GPR25: variants seen among roughly 807,000 people sequenced by gnomAD.
GPR25 encodes C-X-C chemokine receptor GPR25.
For synonymous variants in GPR25, 280 were observed against 264.9 expected (o/e 1.06, Z -0.55); for missense variants, 501 against 503.0 (o/e 1.00, Z 0.04).
In GPR25 at chr1:200,874,020, G is replaced by A; in HGVS notation, c.983G>A (p.Arg328His). 1.2e-6 allele frequency: 2 copies of A among 1,611,482 alleles called. No individual in the cohort carries two copies. Among genetic ancestry groups the A allele is most frequent in the Non-Finnish European group, 1.7e-6 (2 of 1,179,304 alleles). Reference sequence around the variant, plus strand: ...GACGGGGCCTGCGGGCGCACCGGCCGCCTGGCGCGAAGGATCAGCTCAGCC... The same window carrying A: ...GACGGGGCCTGCGGGCGCACCGGCCACCTGGCGCGAAGGATCAGCTCAGCC... ...ALDGACGRTG[R>H]LARRISSASS... The change falls in exon 1 of 1, where the codon CGC becomes CAC. Residue 328 changes from arginine to histidine, a missense_variant. Coordinates refer to ENST00000304244, the MANE Select transcript of GPR25 (RefSeq NM_005298.4).
At position 200,873,978 on chromosome 1, in the gene GPR25, T is replaced by C; in HGVS notation, c.941T>C (p.Phe314Ser). 6.2e-7 allele frequency: 1 copy of C among 1,612,152 alleles called. No individual in the cohort carries two copies. Among genetic ancestry groups the C allele is most frequent in the Non-Finnish European group, 8.5e-7 (1 of 1,179,576 alleles). The change falls in exon 1 of 1, where the codon TTC (phenylalanine) becomes TCC (serine). Residue 314 changes from phenylalanine to serine, a missense_variant. Coordinates refer to ENST00000304244, the MANE Select transcript of GPR25 (RefSeq NM_005298.4). ...ATCTACCTCCTGCTGGACCGCTCAT[T>C]CCGAGCCCGGGCGCTGGACGGGGCC... The part of the protein sequence containing the change: ...PLIYLLLDRS[F>S]RARALDGACG...
Position 200,873,797 on chromosome 1 carries a change from G to A in GPR25, c.760G>A (p.Val254Met). 6.2e-7 allele frequency: 1 copy of A among 1,600,008 alleles called. No homozygotes were observed. Among genetic ancestry groups the A allele is most frequent in the South Asian group, 1.1e-5 (1 of 91,068 alleles). Residue 254 changes from valine (V) to methionine (M), a missense_variant, in exon 1 of 1, where the codon GTG (valine) becomes ATG (methionine). Val to Met is a conservative substitution (Grantham distance 21). Transcript: ENST00000304244. ...RIIFAIESTF[V>M]GSWLPFSALR... ...CATCTTCGCCATCGAGAGCACGTTTGTGGGCTCCTGGCTGCCCTTCAGCGC... is the reference window on the plus strand; with the variant it reads ...CATCTTCGCCATCGAGAGCACGTTTATGGGCTCCTGGCTGCCCTTCAGCGC...
chr1:200,873,990 C>A lies in GPR25; in HGVS notation c.953C>A (p.Ala318Glu), dbSNP rs2102285814. The change falls in exon 1 of 1, where the codon GCG becomes GAG. Residue 318 changes from alanine to glutamate, a missense_variant. Ala to Glu is a moderately radical substitution (Grantham distance 107, BLOSUM62 -1). Coordinates refer to ENST00000304244, the MANE Select transcript of GPR25 (RefSeq NM_005298.4). ...LLLDRSFRAR[A>E]LDGACGRTGR... ...CTGGACCGCTCATTCCGAGCCCGGG[C>A]GCTGGACGGGGCCTGCGGGCGCACC... 6.2e-7 allele frequency: 1 copy of A among 1,612,174 alleles called. No homozygotes were observed. Among genetic ancestry groups the A allele is most frequent in the Non-Finnish European group, 8.5e-7 (1 of 1,179,580 alleles).
In GPR25 at chr1:200,872,992, C is replaced by T; in HGVS notation, c.-46C>T. On this transcript the variant is annotated 5_prime_UTR_variant, in exon 1 of 1. Transcript: ENST00000304244. ...ACCCCCTCCTGCTCAGAGCTGCTGCCGCCTGCGCCCAGGGCTGCACTCCGC... is the reference window on the plus strand; with the variant it reads ...ACCCCCTCCTGCTCAGAGCTGCTGCTGCCTGCGCCCAGGGCTGCACTCCGC... 1 of 1,439,040 alleles carries T rather than the reference C, an allele frequency of 6.9e-7. No homozygotes were observed. Among genetic ancestry groups the T allele is most frequent in the Non-Finnish European group, 9.1e-7 (1 of 1,097,520 alleles). The allele number at this position is 1,439,040 out of a possible 1,614,324, so 89.1% of individuals were successfully genotyped here.
At position 200,874,019 on chromosome 1, in the gene GPR25, C is replaced by T. The variant is rs770964811; in HGVS notation, c.982C>T (p.Arg328Cys). The T allele has an allele frequency of 1.9e-6, 3 of 1,611,536 alleles. No individual in the cohort carries two copies. The highest frequency in any genetic ancestry group is 2.5e-6 in the Non-Finnish European group (3 of 1,179,324). ...ALDGACGRTG[R>C]LARRISSASS... Reference sequence around the variant, plus strand: ...GGACGGGGCCTGCGGGCGCACCGGCCGCCTGGCGCGAAGGATCAGCTCAGC... The same window carrying T: ...GGACGGGGCCTGCGGGCGCACCGGCTGCCTGGCGCGAAGGATCAGCTCAGC... The change falls in exon 1 of 1, where the codon CGC becomes TGC. Residue 328 changes from arginine to cysteine, a missense_variant. Arg to Cys is a radical substitution (Grantham distance 180). Coordinates refer to ENST00000304244, the MANE Select transcript of GPR25 (RefSeq NM_005298.4).
At position 200,873,556 on chromosome 1, in the gene GPR25, C is replaced by T. The variant is rs1282088772; in HGVS notation, c.519C>T (p.Pro173=). The change falls in exon 1 of 1, where the codon CCC becomes CCT. Residue 173 remains proline (P), a synonymous_variant. Coordinates refer to ENST00000304244, the MANE Select transcript of GPR25 (RefSeq NM_005298.4). The part of the protein sequence containing the change: ...VWAVALLAGL[P]SLVYRGLQPL... ...CCGTGGCGCTGCTGGCCGGCCTGCC[C>T]TCCCTGGTCTACCGGGGGTTGCAGC... is the stretch of plus-strand genomic sequence containing the variant. 1.9e-6 allele frequency: 3 copies of T among 1,572,140 alleles called. No homozygotes were observed. Among genetic ancestry groups the T allele is most frequent in the Non-Finnish European group, 2.6e-6 (3 of 1,166,992 alleles).
In GPR25 at chr1:200,873,370, C is replaced by G; in HGVS notation, c.333C>G (p.Leu111=). 1 of 1,494,002 alleles carries G rather than the reference C, an allele frequency of 6.7e-7. No homozygotes were observed. Among genetic ancestry groups the G allele is most frequent in the East Asian group, 2.7e-5 (1 of 36,960 alleles). 92.5% of individuals were successfully genotyped at this position (1,494,002 alleles called of 1,614,324 possible). A position where few individuals can be genotyped will look rare whatever the true frequency, so the allele number is the denominator to read the frequency against. The part of the protein sequence containing the change: ...LGGRWPFGDG[L]CKLSSFALAG... ...GCCGCTGGCCGTTCGGCGATGGCCTCTGCAAGCTCAGCAGCTTCGCGCTGG... is the reference window on the plus strand; with the variant it reads ...GCCGCTGGCCGTTCGGCGATGGCCTGTGCAAGCTCAGCAGCTTCGCGCTGG... Residue 111 remains leucine, a synonymous_variant, in exon 1 of 1, where the codon CTC becomes CTG. Transcript: ENST00000304244.
Position 200,873,702 on chromosome 1 carries a change from A to G in GPR25, c.665A>G (p.Tyr222Cys), listed in dbSNP as rs2102285496. 6.3e-7 allele frequency: 1 copy of G among 1,597,960 alleles called. No individual in the cohort carries two copies. Among genetic ancestry groups the G allele is most frequent in the Non-Finnish European group, 8.5e-7 (1 of 1,179,062 alleles). ...CCCCTGGTCGTCACCCTCTTCTGCT[A>G]CTGCCGCATCTCGCGCCGCCTGCGA... ...VLPLVVTLFC[Y>C]CRISRRLRRP... The change falls in exon 1 of 1, where the codon TAC becomes TGC. Residue 222 changes from tyrosine (Y) to cysteine (C), a missense_variant. Coordinates refer to ENST00000304244, the MANE Select transcript of GPR25 (RefSeq NM_005298.4).
At position 200,874,074 on chromosome 1, in the gene GPR25, T is replaced by A; in HGVS notation, c.1037T>A (p.Val346Glu). 6.3e-7 allele frequency: 1 copy of A among 1,596,414 alleles called. No homozygotes were observed. The highest frequency in any genetic ancestry group is 8.5e-7 in the Non-Finnish European group (1 of 1,169,708). ...ASSLSRDDSSVFRCRAQAANT... is the reference protein window; with the variant it reads ...ASSLSRDDSSEFRCRAQAANT... ...TCGCTCTCCAGGGACGACAGTTCCG[T>A]GTTCCGTTGCCGGGCCCAGGCCGCG... Residue 346 changes from valine (V) to glutamate (E), a missense_variant, in exon 1 of 1, where the codon GTG becomes GAG. Transcript: ENST00000304244.
At position 200,873,296 on chromosome 1, in the gene GPR25, G is replaced by C; in HGVS notation, c.259G>C (p.Gly87Arg). The change falls in exon 1 of 1, where the codon GGC becomes CGC. Residue 87 changes from glycine (G) to arginine (R), a missense_variant. Physicochemically the swap from Gly to Arg is moderately radical, Grantham distance 125. Transcript: ENST00000304244. ...GCTGCACCTGGCGGCAGCTGACCTG[G>C]GCTTCGTGCTCACGCTGCCGCTGTG... is the stretch of plus-strand genomic sequence containing the variant. The part of the protein sequence containing the change: ...FVLHLAAADL[G>R]FVLTLPLWAA... 3 of 1,539,752 alleles carry C rather than the reference G, an allele frequency of 1.9e-6. No individual in the cohort carries two copies. The highest frequency in any genetic ancestry group is 2.6e-6 in the Non-Finnish European group (3 of 1,147,914).
At position 200,873,432 on chromosome 1, in the gene GPR25, G is replaced by A. The variant is rs931396742; in HGVS notation, c.395G>A (p.Gly132Asp). Reference protein sequence around the residue: ...TRCAGALLLAGMSVDRYLAVV... With the variant: ...TRCAGALLLADMSVDRYLAVV... ...TGCGCGGGCGCGCTGCTGCTGGCGG[G>A]CATGAGCGTGGACCGCTACCTGGCC... The change falls in exon 1 of 1, where the codon GGC becomes GAC. Residue 132 changes from glycine to aspartate, a missense_variant. Physicochemically the swap from Gly to Asp is moderately conservative, Grantham distance 94. Transcript: ENST00000304244. 1.3e-6 allele frequency: 2 copies of A among 1,525,148 alleles called. No individual in the cohort carries two copies. Among genetic ancestry groups the A allele is most frequent in the South Asian group, 1.2e-5 (1 of 82,596 alleles). 94.5% of individuals were successfully genotyped at this position (1,525,148 alleles called of 1,614,324 possible). A position where few individuals can be genotyped will look rare whatever the true frequency, so the allele number is the denominator to read the frequency against.
Position 200,874,156 on chromosome 1 carries a change from G to A in GPR25, c.*33G>A. The A allele has an allele frequency of 6.7e-7, 1 of 1,491,990 alleles. No individual in the cohort carries two copies. Among genetic ancestry groups the A allele is most frequent in the South Asian group, 1.3e-5 (1 of 74,754 alleles). 92.4% of individuals were successfully genotyped at this position (1,491,990 alleles called of 1,614,324 possible). A position where few individuals can be genotyped will look rare whatever the true frequency, so the allele number is the denominator to read the frequency against. ...GGGCCGCTGGAGGTGGGCGGCAGCGGAGCATCGAGAGGAGGCCAGAGGTCC... is the reference window on the plus strand; with the variant it reads ...GGGCCGCTGGAGGTGGGCGGCAGCGAAGCATCGAGAGGAGGCCAGAGGTCC... On this transcript the variant is annotated 3_prime_UTR_variant, in exon 1 of 1. Coordinates refer to ENST00000304244, the MANE Select transcript of GPR25 (RefSeq NM_005298.4).
Position 200,874,161 on chromosome 1 carries a change from T to C in GPR25, c.*38T>C, listed in dbSNP as rs2102286047. On this transcript the variant is annotated 3_prime_UTR_variant, in exon 1 of 1. Transcript: ENST00000304244. ...GCTGGAGGTGGGCGGCAGCGGAGCA[T>C]CGAGAGGAGGCCAGAGGTCCCGGAG... The C allele has an allele frequency of 6.7e-7, 1 of 1,487,554 alleles. No individual in the cohort carries two copies. Among genetic ancestry groups the C allele is most frequent in the Middle Eastern group, 1.9e-4 (1 of 5,356 alleles). The allele number at this position is 1,487,554 out of a possible 1,614,324, so 92.1% of individuals were successfully genotyped here. A position where few individuals can be genotyped will look rare whatever the true frequency, so the allele number is the denominator to read the frequency against.
chr1:200,873,083 T>C lies in GPR25; in HGVS notation c.46T>C (p.Trp16Arg), dbSNP rs747486427. 8 of 1,580,990 alleles carry C rather than the reference T, an allele frequency of 5.1e-6. No homozygotes were observed. The highest frequency in any genetic ancestry group is 2.7e-5 in the African/African-American group (2 of 74,634). The change falls in exon 1 of 1, where the codon TGG becomes CGG. Residue 16 changes from tryptophan (W) to arginine (R), a missense_variant. By Grantham distance (101) the Trp-to-Arg change is moderately radical. Coordinates refer to ENST00000304244, the MANE Select transcript of GPR25 (RefSeq NM_005298.4). ...GAGCCCCAGCCCGGGGTCAGCGCCC[T>C]GGGACTACTCGGGGTTGGACGGCCT... ...PWSPSPGSAP[W>R]DYSGLDGLEE... is the part of the protein sequence containing the mutation.
Position 200,872,987 on chromosome 1 carries a change from G to T in GPR25, c.-51G>T. On this transcript the variant is annotated 5_prime_UTR_variant, in exon 1 of 1. Transcript: ENST00000304244. ...AGCAAACCCCCTCCTGCTCAGAGCT[G>T]CTGCCGCCTGCGCCCAGGGCTGCAC... 7.0e-7 allele frequency: 1 copy of T among 1,435,304 alleles called. No individual in the cohort carries two copies. Among genetic ancestry groups the T allele is most frequent in the Non-Finnish European group, 9.1e-7 (1 of 1,095,834 alleles). The allele number at this position is 1,435,304 out of a possible 1,614,324, so 88.9% of individuals were successfully genotyped here. A position where few individuals can be genotyped will look rare whatever the true frequency, so the allele number is the denominator to read the frequency against.
rs373725499 is a variant in GPR25 at position 200,873,975 on chromosome 1, C to T, written c.938C>T (p.Ser313Leu). The change falls in exon 1 of 1, where the codon TCA (serine) becomes TTA (leucine). Residue 313 changes from serine (S) to leucine (L), a missense_variant. By Grantham distance (145) the Ser-to-Leu change is moderately radical. Transcript: ENST00000304244. ...CTCATCTACCTCCTGCTGGACCGCT[C>T]ATTCCGAGCCCGGGCGCTGGACGGG... ...NPLIYLLLDRSFRARALDGAC... is the reference protein window; with the variant it reads ...NPLIYLLLDRLFRARALDGAC... The T allele has an allele frequency of 6.2e-7, 1 of 1,612,112 alleles. No individual in the cohort carries two copies. The highest frequency in any genetic ancestry group is 8.5e-7 in the Non-Finnish European group (1 of 1,179,598).
At position 200,873,755 on chromosome 1, in the gene GPR25, A is replaced by C. The variant is rs1358264812; in HGVS notation, c.718A>C (p.Arg240=). ...GCCGCCGCACGTGGGTCGGGCCCGG[A>C]GGAACTCGCTGCGCATCATCTTCGC... is the stretch of plus-strand genomic sequence containing the variant. ...RRPPHVGRAR[R]NSLRIIFAIE... The change falls in exon 1 of 1, where the codon AGG becomes CGG. Residue 240 remains arginine, a synonymous_variant. Transcript: ENST00000304244. 2.5e-6 allele frequency: 4 copies of C among 1,598,524 alleles called. No homozygotes were observed. The highest frequency in any genetic ancestry group is 3.4e-6 in the Non-Finnish European group (4 of 1,179,070).
rs891316557 is a variant in GPR25 at position 200,873,610 on chromosome 1, C to G, written c.573C>G (p.Cys191Trp). ...TGCCTGGGGGCCAGGACAGCCAGTG[C>G]GGCGAGGAGCCCTCCCACGCCTTCC... ...QPLPGGQDSQ[C>W]GEEPSHAFQG... The change falls in exon 1 of 1, where the codon TGC becomes TGG. Residue 191 changes from cysteine to tryptophan, a missense_variant. Physicochemically the swap from Cys to Trp is radical, Grantham distance 215. Transcript: ENST00000304244. 6.3e-7 allele frequency: 1 copy of G among 1,593,964 alleles called. No homozygotes were observed. Among genetic ancestry groups the G allele is most frequent in the African/African-American group, 1.3e-5 (1 of 74,822 alleles).
chr1:200,873,526 C>T lies in GPR25; in HGVS notation c.489C>T (p.Val163=), dbSNP rs1668001163. The T allele has an allele frequency of 6.4e-7, 1 of 1,561,354 alleles. No individual in the cohort carries two copies. The highest frequency in any genetic ancestry group is 1.4e-5 in the African/African-American group (1 of 73,942). The change falls in exon 1 of 1, where the codon GTC becomes GTT. Residue 163 remains valine (V), a synonymous_variant. Coordinates refer to ENST00000304244, the MANE Select transcript of GPR25 (RefSeq NM_005298.4). ...GCGCGCTGGCCTCGTGCTGCGGCGT[C>T]TGGGCCGTGGCGCTGCTGGCCGGCC... ...PRCALASCCG[V]WAVALLAGLP...
Sources: gnomAD v4.1 joint callset for allele counts on GRCh38, gnomAD v4.1.1 for gene constraint, MANE v1.5 for transcripts, NCBI Gene and HGNC (gene_info 2026-07-23, HGNC 2026-07-21) for gene names.